The following RNF4 variants were observed in gnomAD, a reference collection of about 807,000 sequenced individuals.
The protein encoded by RNF4 is E3 ubiquitin-protein ligase RNF4.
RNF4 carries 7 observed loss-of-function variants against 24.3 expected under a neutral mutation model. That is an observed-to-expected ratio of 0.29 (90% CI 0.16 to 0.54). RNF4 has a LOEUF of 0.54. Among genes scored for constraint, RNF4 ranks in the 20% least tolerant of loss-of-function variants. The pLI, the probability that RNF4 is intolerant of heterozygous loss-of-function variation, is 0.95. For missense variants in RNF4, 209 were observed against 248.5 expected, an observed-to-expected ratio of 0.84 and a Z score of 1.07; for synonymous variants, 83 against 84.3, an observed-to-expected ratio of 0.98 and a Z score of 0.09.
chr4:2,501,661 G>A (rs1200410239), intron 4 of RNF4, among the ~76,000 whole-genome samples: 3 of 152,204 alleles, frequency 2.0e-5, no homozygotes, highest in Non-Finnish European at 2.9e-5. Flanking sequence ...CAGTGTGCTC[G>A]GAACACAGGT....
chr4:2,493,189 G>A (rs1735630643), intron 2 of RNF4, among the ~76,000 whole-genome samples: 1 of 152,104 alleles, frequency 6.6e-6, no homozygotes, highest in Non-Finnish European at 1.5e-5. Context: ...TCCTCAGGAA[G>A]GAGGTGACAT....
rs949621408 is a variant in RNF4 at position 2,469,107 on chromosome 4, G to A, written c.-309G>A. On this transcript the variant is annotated 5_prime_UTR_variant, in exon 1 of 8. Coordinates refer to ENST00000314289, the MANE Select transcript of RNF4 (RefSeq NM_002938.5). ...GGGGGGCGGAGCCGAGGCCTCCGAA[G>A]CGGAAGTGGGTTGCTGTTGAGGCGG... 4.6e-5 allele frequency: 7 copies of A among 152,290 alleles called. No homozygotes were observed. Among genetic ancestry groups the A allele is most frequent in the African/African-American group, 1.7e-4 (7 of 41,466 alleles). 9.4% of individuals were successfully genotyped at this position (152,290 alleles called of 1,614,324 possible).
chr4:2,480,914 A>G (rs1378946928), intron 1 of RNF4: 1 of 152,178 alleles, frequency 6.6e-6, no homozygotes, highest in African/African-American at 2.4e-5. Context: ...GTTTGGAAAG[A>G]TGAGTTTGTT....
intron 4 of RNF4, among the ~76,000 whole-genome samples, chr4:2,501,130 T>A (rs1223457953): frequency 6.6e-6 from 1 of 152,232 alleles, no homozygotes; most frequent in Non-Finnish European, 1.5e-5. Context: ...CTTGGGCATG[T>A]GACTTAGCCT....
intron 1 of RNF4, among the ~76,000 whole-genome samples, chr4:2,476,642 C>T (rs537285197): frequency 7.9e-5 from 12 of 152,012 alleles, no homozygotes; most frequent in South Asian, 4.1e-4. Context: ...CCACCCACCT[C>T]GGCCTCCCAA....
intron 1 of RNF4, among the ~76,000 whole-genome samples, chr4:2,488,658 A>G (rs985997010): frequency 6.6e-6 from 1 of 152,098 alleles, no homozygotes; most frequent in African/African-American, 2.4e-5. Flanking sequence ...CACTGTTCCA[A>G]ACACTCTCTT....
chr4:2,483,707 G>A (rs1735311184), intron 1 of RNF4, among the ~76,000 whole-genome samples: 1 of 152,032 alleles, frequency 6.6e-6, no homozygotes, highest in African/African-American at 2.4e-5. Context: ...GGGAGGCTGA[G>A]GCACAAGAAT....
intron 1 of RNF4, among the ~76,000 whole-genome samples, chr4:2,488,352 T>C (rs573367171): frequency 6.6e-6 from 1 of 152,284 alleles, no homozygotes; most frequent in East Asian, 1.9e-4. Flanking sequence ...TAGTCCCAGC[T>C]ACTGGGAGGC....
chr4:2,476,398 TTTTG>T (rs1735072364), intron 1 of RNF4, among the ~76,000 whole-genome samples: 1 of 152,120 alleles, frequency 6.6e-6, no homozygotes, highest in African/African-American at 2.4e-5. Context: ...TTTTTTTGTT[TTTTG>T]TTTGTTTTTT....
chr4:2,483,492 G>T (rs956258796), intron 1 of RNF4, among the ~76,000 whole-genome samples: 1 of 152,152 alleles, frequency 6.6e-6, no homozygotes, highest in South Asian at 2.1e-4. Flanking sequence ...ATGACTGAGG[G>T]TATCAAAGTT....
intron 1 of RNF4, 142 bp downstream of exon 1, chr4:2,469,400 C>G (rs1432264467): frequency 6.6e-6 from 1 of 152,218 alleles, no homozygotes; most frequent in Non-Finnish European, 1.5e-5. Context: ...CAGCTCTGGT[C>G]GCTCGCACTG....
At position 2,512,036 on chromosome 4, in the gene RNF4, C is replaced by T; in HGVS notation, c.214+71C>T. 4.9e-6 allele frequency: 7 copies of T among 1,438,148 alleles called. No individual in the cohort carries two copies. Among genetic ancestry groups the T allele is most frequent in the Non-Finnish European group, 5.8e-6 (6 of 1,039,344 alleles). 89.1% of individuals were successfully genotyped at this position (1,438,148 alleles called of 1,614,324 possible). A position where few individuals can be genotyped will look rare whatever the true frequency, so the allele number is the denominator to read the frequency against. ...GGCATAGGTGAGAGCCGCGGTGCTG[C>T]AGGTCTTGCCAGACCATCCCCAAGG... On this transcript the variant is annotated intron_variant, in intron 5 of 7. Transcript: ENST00000314289. This position sits in a 1 kb window ranked among gnomAD's most constrained non-coding sequence, Gnocchi z 4.1.
intron 1 of RNF4, among the ~76,000 whole-genome samples, chr4:2,473,629 GTGAAAC>G (rs146415553): frequency 0.18 from 27,908 of 151,898 alleles, 3,006 homozygotes; most frequent in Middle Eastern, 0.28. Flanking sequence ...TGGCCAGATG[GTGAAAC>G]CCCGTCTCTA....
At chr4:2,493,228 A>G (rs1735632937) in intron 2 of RNF4, among the ~76,000 whole-genome samples, 1 of 152,056 alleles carries the variant, frequency 6.6e-6, no homozygotes, top group Admixed American at 6.6e-5. Context: ...GCTGTGCAAG[A>G]ATTGGCCAAG....
intron 1 of RNF4, among the ~76,000 whole-genome samples, chr4:2,476,329 A>T (rs1735070437): frequency 6.6e-6 from 1 of 152,188 alleles, no homozygotes; most frequent in Non-Finnish European, 1.5e-5. Context: ...CAAGTTGAAA[A>T]GTTGAAAATG....
chr4:2,512,171 T>A lies in RNF4; in HGVS notation c.214+206T>A, dbSNP rs1445207592. ...AAACTTCACCACTATCATTGAGCACTGAGCTATAGTCCTTTCTTGTGGCCT... is the reference window on the plus strand; with the variant it reads ...AAACTTCACCACTATCATTGAGCACAGAGCTATAGTCCTTTCTTGTGGCCT... On this transcript the variant is annotated intron_variant, in intron 5 of 7. Transcript: ENST00000314289. This position sits in a 1 kb window ranked among gnomAD's most constrained non-coding sequence, Gnocchi z 4.1. 1.6e-6 allele frequency: 1 copy of A among 641,642 alleles called. No individual in the cohort carries two copies. Among genetic ancestry groups the A allele is most frequent in the African/African-American group, 1.8e-5 (1 of 54,482 alleles). 39.7% of individuals were successfully genotyped at this position (641,642 alleles called of 1,614,324 possible).
At chr4:2,478,490 C>T (rs1417072634) in intron 1 of RNF4, among the ~76,000 whole-genome samples, 2 of 152,218 alleles carry the variant, frequency 1.3e-5, no homozygotes, top group Non-Finnish European at 2.9e-5. Flanking sequence ...CTGGGCTGGG[C>T]CCAGGGTTCC....
intron 4 of RNF4, among the ~76,000 whole-genome samples, chr4:2,510,148 A>G (rs1736231291): frequency 6.6e-6 from 1 of 152,170 alleles, no homozygotes; most frequent in Admixed American, 6.5e-5. Context: ...TCCTCAAATC[A>G]AAGACCTTTA....
chr4:2,496,271 A>G (rs1735732896), intron 2 of RNF4, among the ~76,000 whole-genome samples: 1 of 152,210 alleles, frequency 6.6e-6, no homozygotes, highest in Admixed American at 6.5e-5. Context: ...AAACTCAGAA[A>G]ACTCCAAGTT....
Sources: gnomAD v4.1 joint callset for allele counts (sites outside exome capture counted in the v4.1 genomes callset) on GRCh38, gnomAD v4.1.1 for gene constraint, Gnocchi (gnomAD v3.1) non-coding constraint, MANE v1.5 for transcripts, NCBI Gene and HGNC (gene_info 2026-07-23, HGNC 2026-07-21) for gene names.